NCKAP5: variants seen among roughly 807,000 people sequenced by gnomAD.
The protein encoded by NCKAP5 is NCK associated protein 5, also known as nck-associated protein 5.
NCKAP5 carries 92 observed loss-of-function variants against 167.0 expected under a neutral mutation model. That is an observed-to-expected ratio of 0.55 (90% CI 0.47 to 0.66). The LOEUF (loss-of-function observed/expected upper bound fraction) is 0.66, where lower values mean the gene tolerates loss of function less well. Among genes scored for constraint, NCKAP5 ranks in the 30% least tolerant of loss-of-function variants. NCKAP5 has a pLI of 0.00. For synonymous variants in NCKAP5, 891 were observed against 877.4 expected (o/e 1.02, Z -0.27); for missense variants, 2,378 against 2,315.0 (o/e 1.03, Z -0.56).
chr2:132,963,278 G>GT (rs997293761), intron 8 of NCKAP5, among the ~76,000 whole-genome samples: 11 of 151,940 alleles, frequency 7.2e-5, no homozygotes, highest in South Asian at 4.2e-4. Context: ...ATTCCTGCAC[G>GT]TTTTTTTTAA....
At chr2:132,769,111 A>C (rs1052730990) in intron 16 of NCKAP5, among the ~76,000 whole-genome samples, 3 of 151,370 alleles carry the variant, frequency 2.0e-5, no homozygotes, top group African/African-American at 7.3e-5. Flanking sequence ...TGCCTGACTA[A>C]TTTTTTAAAA....
chr2:132,779,446 T>G (rs1199946110), intron 15 of NCKAP5, among the ~76,000 whole-genome samples: 1 of 152,142 alleles, frequency 6.6e-6, no homozygotes, highest in East Asian at 1.9e-4. Flanking sequence ...TTGCACATTT[T>G]CACACATTCA....
chr2:133,016,994 A>G (rs968269374), intron 6 of NCKAP5, among the ~76,000 whole-genome samples: 5 of 152,234 alleles, frequency 3.3e-5, no homozygotes, highest in African/African-American at 1.2e-4. Flanking sequence ...AAACTAGCCC[A>G]TTGTTAACTG....
At chr2:132,811,626 C>G (rs983196815) in intron 11 of NCKAP5, among the ~76,000 whole-genome samples, 8 of 152,094 alleles carry the variant, frequency 5.3e-5, no homozygotes, top group Admixed American at 5.2e-4. Context: ...CCCCTGCCCC[C>G]TCAACAGCCC....
chr2:132,811,582 G>A (rs751662680), intron 11 of NCKAP5, among the ~76,000 whole-genome samples: 13 of 152,026 alleles, frequency 8.6e-5, no homozygotes, highest in Admixed American at 2.6e-4. Flanking sequence ...CCTAAGGGCC[G>A]GTCTCACTAC....
At chr2:132,906,014 T>C (rs1693984656) in intron 8 of NCKAP5, among the ~76,000 whole-genome samples, 1 of 152,214 alleles carries the variant, frequency 6.6e-6, no homozygotes, top group African/African-American at 2.4e-5. Flanking sequence ...TCCAGCATAT[T>C]TTTCTATTGA....
intron 3 of NCKAP5, among the ~76,000 whole-genome samples, chr2:133,462,594 T>C (rs1206406636): frequency 1.3e-5 from 2 of 152,180 alleles, no homozygotes; most frequent in African/African-American, 4.8e-5. Context: ...CACAAGTAGA[T>C]GAGAACTAGC....
At chr2:133,330,898 A>G (rs1682808350) in intron 3 of NCKAP5, among the ~76,000 whole-genome samples, 1 of 152,092 alleles carries the variant, frequency 6.6e-6, no homozygotes. Context: ...CCCTGTATTA[A>G]AAAAAAGAAG....
chr2:133,050,562 GAAC>G (rs1012982706), intron 6 of NCKAP5, among the ~76,000 whole-genome samples: 3 of 152,130 alleles, frequency 2.0e-5, no homozygotes, highest in Non-Finnish European at 4.4e-5. Context: ...CTTGGGGAAG[GAAC>G]AACAACATTT....
intron 19 of NCKAP5, among the ~76,000 whole-genome samples, chr2:132,683,608 A>G (rs74925150): frequency 0.029 from 4,429 of 152,292 alleles, 207 homozygotes; most frequent in African/African-American, 0.097. Flanking sequence ...TACTGAAAAG[A>G]ACAGGCCCAG....
chr2:133,361,619 G>A (rs941276136), intron 3 of NCKAP5, among the ~76,000 whole-genome samples: 205 of 152,188 alleles, frequency 1.3e-3, no homozygotes, highest in African/African-American at 4.8e-3. Flanking sequence ...TGGACAAATG[G>A]AATATTCCTG....
intron 6 of NCKAP5, among the ~76,000 whole-genome samples, chr2:133,041,348 G>A (rs1269149271): frequency 1.3e-5 from 2 of 152,116 alleles, no homozygotes; most frequent in South Asian, 2.1e-4. Flanking sequence ...ACACTATAAT[G>A]AACAAGGACT....
the NCKAP5 span, among the ~76,000 whole-genome samples, chr2:133,604,444 G>A: frequency 5.9e-5 from 9 of 152,208 alleles, no homozygotes; most frequent in South Asian, 1.9e-3. Context: ...GATCTCAGGT[G>A]ATCCACTTGC....
At position 132,700,906 on chromosome 2, in the gene NCKAP5, G is replaced by C. The variant is rs375112913; in HGVS notation, c.5713+24721C>G. On this transcript the variant is annotated intron_variant, in intron 19 of 19. Transcript: ENST00000409261. ...AGCTAAGGCAGTGGGTCTCTTTCCT[G>C]CATGCTGGTTACAATCCCCTGGGCG... is the stretch of plus-strand genomic sequence containing the variant. 9.1e-5 allele frequency among the ~76,000 whole-genome samples: 12 copies of C among 131,710 alleles called. No homozygotes were observed. In the East Asian group the frequency reaches 2.6e-3, roughly 28 times the overall value. 86.4% of individuals were successfully genotyped at this position (131,710 alleles called of 152,430 possible).
At chr2:133,491,630 A>T (rs556027911) in intron 3 of NCKAP5, among the ~76,000 whole-genome samples, 1 of 152,308 alleles carries the variant, frequency 6.6e-6, no homozygotes, top group East Asian at 1.9e-4. Flanking sequence ...AATACATCAG[A>T]ATAGATCTGT....
chr2:132,784,072 A>G lies in NCKAP5; in HGVS notation c.2739T>C (p.Asp913=). Residue 913 remains aspartate (D), a synonymous_variant, in exon 14 of 20, where the codon GAT becomes GAC. Transcript: ENST00000409261. ...SSDSGEPPTR[D]EHCGSGPEAG... ...CCTCCGGCCCAGAGCCACAGTGTTC[A>G]TCCCTCGTGGGGGGCTCTCCACTGT... is the stretch of plus-strand genomic sequence containing the variant. 5 of 1,524,530 alleles carry G rather than the reference A, an allele frequency of 3.3e-6. No individual in the cohort carries two copies. The highest frequency in any genetic ancestry group is 4.4e-6 in the Non-Finnish European group (5 of 1,138,608). The allele number at this position is 1,524,530 out of a possible 1,614,324, so 94.4% of individuals were successfully genotyped here. A position where few individuals can be genotyped will look rare whatever the true frequency, so the allele number is the denominator to read the frequency against.
At chr2:133,308,234 G>A (rs1295410479) in intron 3 of NCKAP5, among the ~76,000 whole-genome samples, 1 of 151,248 alleles carries the variant, frequency 6.6e-6, no homozygotes, top group Non-Finnish European at 1.5e-5. Flanking sequence ...GACTACAGGC[G>A]CCCGCCACCA....
intron 4 of NCKAP5, among the ~76,000 whole-genome samples, chr2:133,234,870 T>C (rs2087324752): frequency 6.6e-6 from 1 of 150,480 alleles, no homozygotes; most frequent in Non-Finnish European, 1.5e-5. Flanking sequence ...AAGCAATTCA[T>C]TCTTAAGTAA....
At chr2:133,472,746 G>A (rs547283000) in intron 3 of NCKAP5, among the ~76,000 whole-genome samples, 2 of 152,170 alleles carry the variant, frequency 1.3e-5, no homozygotes, top group Admixed American at 1.3e-4. Context: ...TCTACCTTCT[G>A]AGCAGATATT....
Sources: gnomAD v4.1 joint callset for allele counts (sites outside exome capture counted in the v4.1 genomes callset) on GRCh38, gnomAD v4.1.1 for gene constraint, MANE v1.5 for transcripts, NCBI Gene and HGNC (gene_info 2026-07-23, HGNC 2026-07-21) for gene names.